Variants in DGKD observed in about 807,000 individuals in gnomAD.
DGKD encodes the protein DAG kinase delta.
DGKD carries 68 observed loss-of-function variants against 154.4 expected under a neutral mutation model. The observed-to-expected ratio is 0.44, with a 90% CI of 0.36 to 0.54. The LOEUF (loss-of-function observed/expected upper bound fraction) is 0.54. DGKD is among the 20% of genes least tolerant of loss of function. The probability of loss-of-function intolerance (pLI) is 0.00; values close to 1 mark genes in which losing one functional copy is unlikely to be tolerated. For synonymous variants in DGKD, 693 were observed against 638.0 expected (o/e 1.09, Z -1.30); for missense variants, 1,343 against 1,593.6 (o/e 0.84, Z 2.68).
At position 233,449,493 on chromosome 2, in the gene DGKD, C is replaced by A. The variant is rs1378639504; in HGVS notation, c.1888+117C>A. The A allele has an allele frequency of 6.3e-5, 86 of 1,375,262 alleles. No homozygotes were observed. The highest frequency in any genetic ancestry group is 1.0e-4 in the Admixed American group (4 of 38,116). The allele number at this position is 1,375,262 out of a possible 1,614,324, so 85.2% of individuals were successfully genotyped here. ...TGTTGAGAAAACCTCCACTGCGGCC[C>A]TCTCCACCCATGTCCAGGCACCAGA... On this transcript the variant is annotated intron_variant, in intron 15 of 29. Coordinates refer to ENST00000264057, the MANE Select transcript of DGKD (RefSeq NM_152879.3). This position sits in a 1 kb window ranked among gnomAD's most constrained non-coding sequence, Gnocchi z 5.3.
chr2:233,453,444 C>G (rs2063350633), intron 18 of DGKD, among the ~76,000 whole-genome samples: 1 of 152,242 alleles, frequency 6.6e-6, no homozygotes, highest in South Asian at 2.1e-4. Flanking sequence ...GGTCTTCCCC[C>G]TGGTAAACAG....
At chr2:233,411,168 T>C (rs2061820422) in intron 3 of DGKD, among the ~76,000 whole-genome samples, 1 of 152,226 alleles carries the variant, frequency 6.6e-6, no homozygotes, top group African/African-American at 2.4e-5. Context: ...TACAAGTCTT[T>C]TGTGTGGACA....
intron 3 of DGKD, among the ~76,000 whole-genome samples, chr2:233,405,759 T>C (rs2061671838): frequency 6.6e-6 from 1 of 152,198 alleles, no homozygotes; most frequent in Admixed American, 6.5e-5. Flanking sequence ...AATTATCTAG[T>C]CTGTGGTATT....
intron 5 of DGKD, 135 bp downstream of exon 5, chr2:233,435,036 C>A: frequency 8.3e-7 from 1 of 1,210,766 alleles, no homozygotes; most frequent in Non-Finnish European, 1.1e-6. Flanking sequence ...ACAGCGATTT[C>A]TGTGATGCCA....
At chr2:233,423,352 G>A (rs753790543) in intron 3 of DGKD, among the ~76,000 whole-genome samples, 1 of 152,108 alleles carries the variant, frequency 6.6e-6, no homozygotes, top group South Asian at 2.1e-4. Context: ...CAGAGTGGCC[G>A]TAATGTTTTA....
chr2:233,386,134 C>T (rs1375170672), intron 1 of DGKD: 2 of 311,890 alleles, frequency 6.4e-6, no homozygotes, highest in Admixed American at 4.0e-5. Flanking sequence ...TATAACTTTT[C>T]TGGGTTTTGG....
At chr2:233,453,750 A>G (rs2063364191) in intron 18 of DGKD, among the ~76,000 whole-genome samples, 1 of 151,970 alleles carries the variant, frequency 6.6e-6, no homozygotes, top group African/African-American at 2.4e-5. Context: ...GGGGTTGGGG[A>G]GGGTGAAGGC....
rs1315289411 is a variant in DGKD at position 233,449,888 on chromosome 2, GC to G, written c.1889-92del. On this transcript the variant is annotated intron_variant, in intron 15 of 29. Transcript: ENST00000264057. This position sits in a 1 kb window ranked among gnomAD's most constrained non-coding sequence, Gnocchi z 5.3. The stretch of plus-strand genomic sequence containing the variant: ...CCAGAGGTTGTTTGAGGAAGATCAG[GC>G]CGTGGGGTGAGGATGAGGGGCCCTC... 71 of 1,426,070 alleles carry G rather than the reference GC, an allele frequency of 5.0e-5. No homozygotes were observed. Among genetic ancestry groups the G allele is most frequent in the Non-Finnish European group, 6.3e-5 (67 of 1,065,378 alleles). The allele number at this position is 1,426,070 out of a possible 1,614,324, so 88.3% of individuals were successfully genotyped here.
intron 3 of DGKD, among the ~76,000 whole-genome samples, chr2:233,420,634 C>T (rs1237547704): frequency 6.6e-6 from 1 of 152,232 alleles, no homozygotes; most frequent in Non-Finnish European, 1.5e-5. Context: ...CAGCATTACG[C>T]TTCCTGGATT....
chr2:233,393,683 GT>G lies in DGKD; in HGVS notation c.348+3219del, dbSNP rs528368593. On this transcript the variant is annotated intron_variant, in intron 3 of 29. Transcript: ENST00000264057. ...TCAGTGTCTGTATTTATGTGTATTG[GT>G]TTTTTTTTTTTTTTTTTTAGATGGA... Among the ~76,000 whole-genome samples, 1,055 of 128,378 alleles carry G rather than the reference GT, an allele frequency of 8.2e-3. 7 individuals carry two copies. Among genetic ancestry groups the G allele is most frequent in the African/African-American group, 0.023 (772 of 33,960 alleles). 84.2% of individuals were successfully genotyped at this position (128,378 alleles called of 152,430 possible).
chr2:233,376,987 T>G (rs764309830), intron 1 of DGKD, among the ~76,000 whole-genome samples: 1 of 151,800 alleles, frequency 6.6e-6, no homozygotes, highest in Non-Finnish European at 1.5e-5. Context: ...TTCCATTGTT[T>G]CTTTTTGGAA....
Position 233,471,202 on chromosome 2 carries a change from T to C in DGKD, c.*1742T>C, listed in dbSNP as rs2064003850. 6.6e-6 allele frequency: 1 copy of C among 152,404 alleles called. No individual in the cohort carries two copies. Among genetic ancestry groups the C allele is most frequent in the Non-Finnish European group, 1.5e-5 (1 of 68,058 alleles). 9.4% of individuals were successfully genotyped at this position (152,404 alleles called of 1,614,324 possible). A position where few individuals can be genotyped will look rare whatever the true frequency, so the allele number is the denominator to read the frequency against. On this transcript the variant is annotated 3_prime_UTR_variant, in exon 30 of 30. Transcript: ENST00000264057. ...CCCAGCACAGCCTCCTGTCGCTGCA[T>C]GCGACGTGTTGGGATTTTTGGATGA... is the stretch of plus-strand genomic sequence containing the variant.
intron 3 of DGKD, among the ~76,000 whole-genome samples, chr2:233,402,703 C>T (rs1426639645): frequency 6.6e-6 from 1 of 152,192 alleles, no homozygotes; most frequent in Non-Finnish European, 1.5e-5. Flanking sequence ...GCGCTTTTAG[C>T]GAGTTTGCCA....
chr2:233,453,265 C>T (rs1400005328), intron 18 of DGKD, among the ~76,000 whole-genome samples: 5 of 152,172 alleles, frequency 3.3e-5, no homozygotes, highest in African/African-American at 7.2e-5. Flanking sequence ...GTAGCTGGGC[C>T]TGAGCAGCCC....
rs538486281 is a variant in DGKD, at chr2:233,431,363, A to G, written c.349-3017A>G. ...ATGGAAAGATACTCCACGTTCATGGACTGGAAGAATCAACATTGTGAAAAT... is the reference window on the plus strand; with the variant it reads ...ATGGAAAGATACTCCACGTTCATGGGCTGGAAGAATCAACATTGTGAAAAT... On this transcript the variant is annotated intron_variant, in intron 3 of 29. Transcript: ENST00000264057. Among the ~76,000 whole-genome samples the G allele has an allele frequency of 2.6e-5, 4 of 152,364 alleles. No individual in the cohort carries two copies. In the East Asian group the frequency reaches 7.7e-4, roughly 29 times the overall value.
chr2:233,366,071 G>A (rs1185197732), intron 1 of DGKD, among the ~76,000 whole-genome samples: 2 of 152,182 alleles, frequency 1.3e-5, no homozygotes, highest in Non-Finnish European at 2.9e-5. Context: ...GGGAGCTTGG[G>A]GAAATCTTGG....
intron 1 of DGKD, among the ~76,000 whole-genome samples, chr2:233,367,784 T>C (rs1414297157): frequency 6.6e-6 from 1 of 152,014 alleles, no homozygotes; most frequent in East Asian, 1.9e-4. Flanking sequence ...CCTGTCAGGC[T>C]GTCCCCCTCT....
chr2:233,461,775 T>C (rs1437860796), intron 24 of DGKD, among the ~76,000 whole-genome samples: 1 of 152,232 alleles, frequency 6.6e-6, no homozygotes, highest in South Asian at 2.1e-4. Flanking sequence ...CTGCCTTTGC[T>C]TGCACTGCTC....
At position 233,445,563 on chromosome 2, in the gene DGKD, C is replaced by T; in HGVS notation, c.1195-60C>T. On this transcript the variant is annotated intron_variant, in intron 10 of 29. Coordinates refer to ENST00000264057, the MANE Select transcript of DGKD (RefSeq NM_152879.3). The surrounding 1 kb of genome is among the most constrained non-coding windows in gnomAD (Gnocchi z 5.5). ...GGTGGGGGACAAGGAGGGCTGCGGG[C>T]TGGGAAGTGGCCCCTGCCCCCAGGT... The T allele has an allele frequency of 6.5e-7, 1 of 1,527,174 alleles. No homozygotes were observed. Among genetic ancestry groups the T allele is most frequent in the African/African-American group, 1.4e-5 (1 of 72,130 alleles). The allele number at this position is 1,527,174 out of a possible 1,614,324, so 94.6% of individuals were successfully genotyped here.
Sources: allele counts gnomAD v4.1 joint callset (sites outside exome capture counted in the v4.1 genomes callset), GRCh38; gene constraint gnomAD v4.1.1; non-coding constraint Gnocchi (gnomAD v3.1); transcripts MANE v1.5; gene names NCBI Gene and HGNC (gene_info 2026-07-23, HGNC 2026-07-21).